TRPM1: variants seen among roughly 807,000 people sequenced by gnomAD.
TRPM1 encodes transient receptor potential cation channel subfamily M member 1.
A neutral mutation model predicts 149.4 loss-of-function variants in TRPM1; 113 were observed. That is an observed-to-expected ratio of 0.76 (90% CI 0.65 to 0.88). The LOEUF (loss-of-function observed/expected upper bound fraction) is 0.88, where lower values mean the gene tolerates loss of function less well. TRPM1 is among the 40% of genes least tolerant of loss of function. TRPM1 has a pLI of 0.00. For missense variants in TRPM1, 1,976 were observed against 2,038.7 expected (o/e 0.97, Z 0.59); for synonymous variants, 741 against 759.5 (o/e 0.98, Z 0.40).
At chr15:31,042,524 C>T (rs754238567) in intron 16 of TRPM1, among the ~76,000 whole-genome samples, 12 of 152,152 alleles carry the variant, frequency 7.9e-5, no homozygotes, top group Admixed American at 5.2e-4. Flanking sequence ...ACTGAGGCGA[C>T]GCTGCAAAAC....
chr15:31,003,039 T>G lies in TRPM1; in HGVS notation c.3661A>C (p.Ile1221Leu). ...VENMSMRLEE[I>L]NERETFMKTS... ...TTCATAAAAGTTTCTCTTTCATTGA[T>G]TTCTTCCAACCTCATTGACATATTT... Residue 1221 changes from isoleucine to leucine, a missense_variant, in exon 28 of 28, where the codon ATC (isoleucine) becomes CTC (leucine). Ile to Leu is a conservative substitution (Grantham distance 5, BLOSUM62 2). Transcript: ENST00000256552. 6.2e-7 allele frequency: 1 copy of G among 1,602,248 alleles called. No individual in the cohort carries two copies. Among genetic ancestry groups the G allele is most frequent in the Non-Finnish European group, 8.5e-7 (1 of 1,176,730 alleles).
chr15:31,091,857 C>A (rs138879556), intron 1 of TRPM1, among the ~76,000 whole-genome samples: 1 of 152,298 alleles, frequency 6.6e-6, no homozygotes, highest in South Asian at 2.1e-4. Flanking sequence ...ACAAAAAACA[C>A]CTTCTTCAAA....
intron 1 of TRPM1, among the ~76,000 whole-genome samples, chr15:31,097,513 G>A (rs1449627901): frequency 6.6e-6 from 1 of 152,106 alleles, no homozygotes; most frequent in Non-Finnish European, 1.5e-5. Flanking sequence ...GGCAATGTAT[G>A]GATGCTTGTT....
rs1377376925 is a variant in TRPM1, at chr15:31,026,925, A to G, written c.3486T>C (p.Asp1162=). The stretch of plus-strand genomic sequence containing the variant: ...GAGCCCTGCACATACTCAATCCACG[A>G]TCCCGTTCCTCTTGGTCCCCTTCTC... ...KKREGDQEER[D]RGLKLFLSDE... is the part of the protein sequence containing the mutation. Residue 1162 remains aspartate (D), a synonymous_variant, in exon 26 of 28, where the codon GAT becomes GAC. Coordinates refer to ENST00000256552, the MANE Select transcript of TRPM1 (RefSeq NM_001252024.2). 6 of 1,613,928 alleles carry G rather than the reference A, an allele frequency of 3.7e-6. No homozygotes were observed. Among genetic ancestry groups the G allele is most frequent in the Non-Finnish European group, 5.1e-6 (6 of 1,179,968 alleles).
intron 25 of TRPM1, 118 bp downstream of exon 25, chr15:31,028,213 TA>T: frequency 7.4e-7 from 1 of 1,358,564 alleles, no homozygotes; most frequent in Middle Eastern, 2.5e-4. Flanking sequence ...TGGATCTACT[TA>T]AAAACCCTAA....
At chr15:31,101,778 T>C (rs1200405546), upstream of TRPM1, 4 of 951,036 alleles carry the variant, frequency 4.2e-6, no homozygotes, top group Admixed American at 1.2e-4. Flanking sequence ...ATGAGGAGCA[T>C]GTGAGCACTT....
chr15:31,010,702 T>C (rs1242412251), intron 27 of TRPM1, among the ~76,000 whole-genome samples: 1 of 152,242 alleles, frequency 6.6e-6, no homozygotes, highest in African/African-American at 2.4e-5. Flanking sequence ...ACAGATGATG[T>C]ATCTTGGAAA....
chr15:31,071,992 T>A (rs1173527114), intron 3 of TRPM1, among the ~76,000 whole-genome samples: 5 of 60,356 alleles, frequency 8.3e-5, no homozygotes, highest in Admixed American at 3.8e-4. Flanking sequence ...TATATATATA[T>A]ATATATATAT....
chr15:31,155,176 A>T (rs1462645802), intron 1 of TRPM1, among the ~76,000 whole-genome samples: 1 of 151,924 alleles, frequency 6.6e-6, no homozygotes, highest in Non-Finnish European at 1.5e-5. Flanking sequence ...TTCCAGCAAC[A>T]CTCTCTGGGA....
chr15:31,104,366 G>A (rs1028690443), upstream of TRPM1, among the ~76,000 whole-genome samples: 1 of 152,170 alleles, frequency 6.6e-6, no homozygotes, highest in Non-Finnish European at 1.5e-5. Context: ...ACTCTGAGAT[G>A]AGCCAGCAAT....
At position 31,067,049 on chromosome 15, in the gene TRPM1, G is replaced by A; in HGVS notation, c.618+14C>T. The A allele has an allele frequency of 6.2e-7, 1 of 1,614,164 alleles. No homozygotes were observed. ...TTTTAAAAAACTGCCAACATTTGCA[G>A]AGAAAACACTTACATCCTTTCCAAC... On this transcript the variant is annotated intron_variant, in intron 6 of 27. Transcript: ENST00000256552.
chr15:31,141,054 ACTCCTAGC>A (rs1231685206), intron 1 of TRPM1, among the ~76,000 whole-genome samples: 6 of 151,002 alleles, frequency 4.0e-5, no homozygotes, highest in Admixed American at 1.3e-4. Flanking sequence ...CTAGCCTGGA[ACTCCTAGC>A]CTCAAGCGAT....
chr15:31,153,385 T>C (rs961243818), intron 1 of TRPM1, among the ~76,000 whole-genome samples: 31 of 152,216 alleles, frequency 2.0e-4, no homozygotes, highest in African/African-American at 7.0e-4. Flanking sequence ...AGTACAGTGG[T>C]GTGATCTTGG....
At chr15:31,052,255 T>C (rs186168407) in intron 11 of TRPM1, among the ~76,000 whole-genome samples, 8 of 152,206 alleles carry the variant, frequency 5.3e-5, no homozygotes, top group African/African-American at 1.9e-4. Context: ...ATTTATATAG[T>C]TCCTGGTCAA....
intron 1 of TRPM1, among the ~76,000 whole-genome samples, chr15:31,150,390 G>A (rs2036283679): frequency 6.6e-6 from 1 of 151,768 alleles, no homozygotes; most frequent in Non-Finnish European, 1.5e-5. Flanking sequence ...AAACTGGTCA[G>A]GCAGGCAGTT....
In TRPM1 at chr15:31,032,798, T is replaced by C. The variant is rs1356433853; in HGVS notation, c.2843A>G (p.Tyr948Cys). Residue 948 changes from tyrosine to cysteine, a missense_variant, in exon 22 of 28, where the codon TAT becomes TGT. Tyr to Cys is a radical substitution (Grantham distance 194). Transcript: ENST00000256552. ...LRLQNQPYMG[Y>C]GRVIYCVDII... Reference sequence around the variant, plus strand: ...ATCCACACAGTAGATCACCCGGCCATAGCCCATGTAGGGCTGGTTCTGTAG... The same window carrying C: ...ATCCACACAGTAGATCACCCGGCCACAGCCCATGTAGGGCTGGTTCTGTAG... The C allele has an allele frequency of 6.2e-6, 10 of 1,614,090 alleles. No individual in the cohort carries two copies. The South Asian group carries it at 1.1e-4, about 18-fold the overall frequency.
rs115833534 is a variant in TRPM1 at position 31,089,841 on chromosome 15, C to T, written c.-83-8403G>A. On this transcript the variant is annotated intron_variant, in intron 1 of 27. Coordinates refer to ENST00000256552, the MANE Select transcript of TRPM1 (RefSeq NM_001252024.2). ...ACCGCGGAAGGCACTTCTGCCTGCCCTTGTGAGTAAGGGGATAACTGTGCC... is the reference window on the plus strand; with the variant it reads ...ACCGCGGAAGGCACTTCTGCCTGCCTTTGTGAGTAAGGGGATAACTGTGCC... 9.7e-3 allele frequency among the ~76,000 whole-genome samples: 1,474 copies of T among 152,292 alleles called. 36 individuals carry two copies. Among genetic ancestry groups the T allele is most frequent in the African/African-American group, 0.034 (1,398 of 41,550 alleles).
chr15:31,045,841 A>G (rs2140934929), intron 16 of TRPM1, among the ~76,000 whole-genome samples: 1 of 152,328 alleles, frequency 6.6e-6, no homozygotes, highest in Admixed American at 6.5e-5. Context: ...ACTGCATTGT[A>G]TTTGCATTCT....
chr15:31,095,960 C>T (rs538084111), intron 1 of TRPM1, among the ~76,000 whole-genome samples: 1 of 151,518 alleles, frequency 6.6e-6, no homozygotes, highest in Non-Finnish European at 1.5e-5. Context: ...GTAGGAGAAT[C>T]GCTTGAACAT....
Sources: gnomAD v4.1 joint callset for allele counts (sites outside exome capture counted in the v4.1 genomes callset) on GRCh38, gnomAD v4.1.1 for gene constraint, MANE v1.5 for transcripts, NCBI Gene and HGNC (gene_info 2026-07-23, HGNC 2026-07-21) for gene names.